The following PHLDB2 variants were observed in gnomAD, a reference collection of about 807,000 sequenced individuals.
PHLDB2 encodes pleckstrin homology-like domain family B member 2.
In PHLDB2, 71 loss-of-function variants were observed where a neutral mutation model predicts 123.6. That is an observed-to-expected ratio of 0.57 (90% CI 0.47 to 0.70). PHLDB2 has a LOEUF of 0.70. Among genes scored for constraint, PHLDB2 ranks in the 30% least tolerant of loss-of-function variants. The pLI is 0.00. For synonymous variants in PHLDB2, 547 were observed against 541.6 expected (o/e 1.01, Z -0.14); for missense variants, 1,446 against 1,519.5 (o/e 0.95, Z 0.80).
intron 12 of PHLDB2, among the ~76,000 whole-genome samples, chr3:111,955,708 T>A (rs2071011770): frequency 6.6e-6 from 1 of 152,112 alleles, no homozygotes; most frequent in African/African-American, 2.4e-5. Context: ...CACCTTGGCC[T>A]CCCAAAGTGC....
intron 1 of PHLDB2, among the ~76,000 whole-genome samples, chr3:111,790,469 C>T (rs987758846): frequency 2.6e-5 from 4 of 152,296 alleles, no homozygotes; most frequent in Admixed American, 2.6e-4. Context: ...TCTCTTCATA[C>T]TCTCTTCACA....
intron 12 of PHLDB2, chr3:111,958,356 G>C: frequency 3.2e-6 from 3 of 945,630 alleles, no homozygotes; most frequent in South Asian, 4.4e-5. Flanking sequence ...TTAACCCCAG[G>C]TTATACTTTA....
At chr3:111,757,935 T>C (rs1359326186) in intron 1 of PHLDB2, among the ~76,000 whole-genome samples, 2 of 152,216 alleles carry the variant, frequency 1.3e-5, no homozygotes, top group African/African-American at 2.4e-5. Flanking sequence ...GAACCGCGAA[T>C]GCTGCTGTCT....
At chr3:111,770,386 C>G (rs1301790487) in intron 1 of PHLDB2, among the ~76,000 whole-genome samples, 1 of 152,154 alleles carries the variant, frequency 6.6e-6, no homozygotes, top group African/African-American at 2.4e-5. Flanking sequence ...AGTAAGATTG[C>G]AAATTTAGTT....
chr3:111,956,496 T>C (rs1455583724), intron 12 of PHLDB2, among the ~76,000 whole-genome samples: 2 of 152,224 alleles, frequency 1.3e-5, no homozygotes, highest in Non-Finnish European at 2.9e-5. Flanking sequence ...AGTGCTCTTG[T>C]TCTTTATTGA....
intron 9 of PHLDB2, among the ~76,000 whole-genome samples, chr3:111,945,670 G>A (rs1250551647): frequency 6.6e-6 from 1 of 152,076 alleles, no homozygotes; most frequent in Non-Finnish European, 1.5e-5. Flanking sequence ...AGACCAAGAT[G>A]AGTCTTAAAT....
intron 1 of PHLDB2, among the ~76,000 whole-genome samples, chr3:111,753,323 T>G (rs1428126536): frequency 3.3e-5 from 5 of 150,302 alleles, no homozygotes; most frequent in Admixed American, 6.6e-5. Flanking sequence ...GTTTCCTGAC[T>G]TTTTAATGAT....
chr3:111,798,819 T>G (rs1006374419), intron 1 of PHLDB2, among the ~76,000 whole-genome samples: 3 of 152,100 alleles, frequency 2.0e-5, no homozygotes, highest in Non-Finnish European at 4.4e-5. Flanking sequence ...AAAGGAGTGT[T>G]GTTTAGACCT....
intron 12 of PHLDB2, among the ~76,000 whole-genome samples, chr3:111,956,509 C>T (rs774320811): frequency 1.3e-5 from 2 of 152,160 alleles, no homozygotes; most frequent in Non-Finnish European, 2.9e-5. Context: ...TTTATTGATA[C>T]GTCCTTTATG....
chr3:111,912,661 T>C (rs143477285), intron 2 of PHLDB2, among the ~76,000 whole-genome samples: 1 of 152,242 alleles, frequency 6.6e-6, no homozygotes, highest in Non-Finnish European at 1.5e-5. Context: ...TTTTTCTCTT[T>C]GTGTGTCTAG....
intron 1 of PHLDB2, among the ~76,000 whole-genome samples, chr3:111,789,980 G>A (rs2060846444): frequency 6.6e-6 from 1 of 152,120 alleles, no homozygotes; most frequent in African/African-American, 2.4e-5. Flanking sequence ...TCAGAATTTT[G>A]GAATGGAATT....
At chr3:111,913,781 T>G in intron 3 of PHLDB2, 79 bp downstream of exon 3, 1 of 1,417,720 alleles carries the variant, frequency 7.1e-7, no homozygotes, top group Non-Finnish European at 9.5e-7. Flanking sequence ...CTGATGATTT[T>G]ATCATGCTAA....
rs568569427 is a variant in PHLDB2 at position 111,797,253 on chromosome 3, T to C, written c.-48-48568T>C. Among the ~76,000 whole-genome samples the C allele has an allele frequency of 2.6e-5, 4 of 152,334 alleles. No homozygotes were observed. The South Asian group carries it at 8.3e-4, about 32-fold the overall frequency. On this transcript the variant is annotated intron_variant, in intron 1 of 17. Transcript: ENST00000393923. The stretch of plus-strand genomic sequence containing the variant: ...ATATCTGTTTCCCCCACTGACCACA[T>C]ATCACCAGTGCCTAATGAATAGCAG...
At chr3:111,795,971 AC>A (rs2061141927) in intron 1 of PHLDB2, among the ~76,000 whole-genome samples, 1 of 152,158 alleles carries the variant, frequency 6.6e-6, no homozygotes, top group African/African-American at 2.4e-5. Context: ...ATCTCGGCTG[AC>A]TGCAACCTCC....
At chr3:111,898,182 T>TTG (rs58183787) in intron 2 of PHLDB2, among the ~76,000 whole-genome samples, 3,041 of 142,280 alleles carry the variant, frequency 0.021, 38 homozygotes, top group Middle Eastern at 0.032. Context: ...GTGTGTGTGT[T>TTG]TGTGTGTGTG....
intron 1 of PHLDB2, among the ~76,000 whole-genome samples, chr3:111,798,682 A>AAAAATAAAATAAATAAAATAAAAT (rs2061259661): frequency 6.9e-6 from 1 of 144,538 alleles, no homozygotes; most frequent in African/African-American, 2.5e-5. Context: ...TGTCTCTAAT[A>AAAAATAAAATAAATAAAATAAAAT]AAAATAAAAT....
At chr3:111,894,375 G>C (rs913786181) in intron 2 of PHLDB2, among the ~76,000 whole-genome samples, 2 of 151,838 alleles carry the variant, frequency 1.3e-5, no homozygotes, top group African/African-American at 2.4e-5. Flanking sequence ...AAACATACAT[G>C]TGCATGTGTC....
chr3:111,889,663 C>G (rs2066367832), intron 2 of PHLDB2, among the ~76,000 whole-genome samples: 1 of 152,164 alleles, frequency 6.6e-6, no homozygotes, highest in Non-Finnish European at 1.5e-5. Context: ...GATCATGCCA[C>G]TGAACTCCAG....
At position 111,974,627 on chromosome 3, in the gene PHLDB2, A is replaced by T; in HGVS notation, c.*64A>T. 2 of 1,451,208 alleles carry T rather than the reference A, an allele frequency of 1.4e-6. No individual in the cohort carries two copies. Among genetic ancestry groups the T allele is most frequent in the Non-Finnish European group, 1.8e-6 (2 of 1,091,100 alleles). 89.9% of individuals were successfully genotyped at this position (1,451,208 alleles called of 1,614,324 possible). A position where few individuals can be genotyped will look rare whatever the true frequency, so the allele number is the denominator to read the frequency against. On this transcript the variant is annotated 3_prime_UTR_variant, in exon 18 of 18. Coordinates refer to ENST00000431670, the MANE Select transcript of PHLDB2 (RefSeq NM_001134438.2). ...TAATCTCTTACAAGAATGAAGCCAT[A>T]TTCAACCCCAGATGAGAAAACCCAA... is the stretch of plus-strand genomic sequence containing the variant.
Sources: gnomAD v4.1 joint callset for allele counts (sites outside exome capture counted in the v4.1 genomes callset) on GRCh38, gnomAD v4.1.1 for gene constraint, MANE v1.5 for transcripts, NCBI Gene and HGNC (gene_info 2026-07-23, HGNC 2026-07-21) for gene names.